CELF2: variants seen among roughly 807,000 people sequenced by gnomAD.
CELF2 encodes the protein CUGBP Elav-like family member 2.
Under a neutral mutation model 62.6 loss-of-function variants are expected in CELF2, and 8 were observed. That is an observed-to-expected ratio of 0.13 (90% CI 0.07 to 0.23). The LOEUF is 0.23. Among genes scored for constraint, CELF2 ranks in the 10% least tolerant of loss-of-function variants. The pLI, the probability that CELF2 is intolerant of heterozygous loss-of-function variation, is 1.00. For missense variants in CELF2, 333 were observed against 671.0 expected (o/e 0.50, Z 5.56); for synonymous variants, 258 against 250.0 (o/e 1.03, Z -0.30).
In CELF2 at chr10:10,972,999, G is replaced by A. The variant is rs1003085407; in HGVS notation, c.89+53000G>A. Among the ~76,000 whole-genome samples the A allele has an allele frequency of 6.6e-6, 1 of 152,268 alleles. No homozygotes were observed. The highest frequency in any genetic ancestry group is 2.4e-5 in the African/African-American group (1 of 41,564). On this transcript the variant is annotated intron_variant, in intron 2 of 13. Coordinates refer to the CELF2 transcript ENST00000636488. This position sits in a 1 kb window ranked among gnomAD's most constrained non-coding sequence, Gnocchi z 4.4. ...TGAAACCCTGAGGAGAATAGTTAAA[G>A]CAGAAGGCAGCCGGGCACGGTGGCT...
chr10:10,694,649 G>A, the CELF2 span, among the ~76,000 whole-genome samples: 1 of 151,626 alleles, frequency 6.6e-6, no homozygotes, highest in Non-Finnish European at 1.5e-5. Context: ...GGGAGTCTAA[G>A]TCTCTTTGTA....
At chr10:10,730,202 C>T in the CELF2 span, among the ~76,000 whole-genome samples, 1 of 152,146 alleles carries the variant, frequency 6.6e-6, no homozygotes, top group Non-Finnish European at 1.5e-5. Context: ...TTTGGCTGGG[C>T]ACAGTGGCTC....
At chr10:10,597,645 T>G in the CELF2 span, among the ~76,000 whole-genome samples, 1 of 152,234 alleles carries the variant, frequency 6.6e-6, no homozygotes, top group Non-Finnish European at 1.5e-5. Flanking sequence ...TAAAAAATCC[T>G]TATAGTTGAT....
Position 10,949,343 on chromosome 10 carries a change from G to T in CELF2, c.89+29344G>T, listed in dbSNP as rs961382784. On this transcript the variant is annotated intron_variant, in intron 2 of 13. Transcript: ENST00000636488. ...TGTGGATGGCACAGCTTCCAGTGGG[G>T]CTGTGCCTCTAGTGATCTCCCCAGA... 5.3e-5 allele frequency among the ~76,000 whole-genome samples: 8 copies of T among 152,164 alleles called. No homozygotes were observed. In the East Asian group the frequency reaches 5.8e-4, roughly 11 times the overall value.
intron 1 of CELF2, among the ~76,000 whole-genome samples, chr10:10,817,247 A>G (rs1590741827): frequency 6.6e-6 from 1 of 152,154 alleles, no homozygotes; most frequent in Admixed American, 6.5e-5. Context: ...TATGAGGTAC[A>G]TGAGATGTTT....
At chr10:11,015,019 G>C (rs1286185923), upstream of CELF2, among the ~76,000 whole-genome samples, 3 of 152,192 alleles carry the variant, frequency 2.0e-5, no homozygotes, top group Admixed American at 6.5e-5. The surrounding 1 kb of genome is among the most constrained non-coding windows in gnomAD (Gnocchi z 4.8). Context: ...GGGGCCAGCT[G>C]ATGGCGTCGT....
At chr10:10,533,603 G>C in the CELF2 span, among the ~76,000 whole-genome samples, 6 of 152,212 alleles carry the variant, frequency 3.9e-5, no homozygotes, top group African/African-American at 1.4e-4. Context: ...GTTTGAATCT[G>C]GACTTTGCAG....
At chr10:11,142,159 G>A (rs1024826262) in intron 1 of CELF2, among the ~76,000 whole-genome samples, 7 of 152,220 alleles carry the variant, frequency 4.6e-5, no homozygotes, top group African/African-American at 1.7e-4. Flanking sequence ...AATGTGGTAC[G>A]TTTAGAGAAG....
At chr10:10,981,703 T>C (rs2052128285) in intron 2 of CELF2, among the ~76,000 whole-genome samples, 1 of 152,220 alleles carries the variant, frequency 6.6e-6, no homozygotes, top group Non-Finnish European at 1.5e-5. Flanking sequence ...CCTATAGAAA[T>C]AATACAAGTA....
chr10:11,164,970 A>G (rs1441631972), intron 1 of CELF2: 4 of 748,368 alleles, frequency 5.3e-6, no homozygotes, highest in Non-Finnish European at 6.5e-6. Flanking sequence ...CAAGTGTTTC[A>G]TTTTCTTTCC....
rs1333532832 is a variant in CELF2, at chr10:11,333,753, TTG to T, written c.*4702_*4703del. The stretch of plus-strand genomic sequence containing the variant: ...TGGAAACTGTAAGACCATTTGAGTA[TTG>T]TTTGTTTTATTGATGCATTTGGATT... On this transcript the variant is annotated 3_prime_UTR_variant, in exon 13 of 13. Transcript: ENST00000633077. 3.3e-5 allele frequency: 5 copies of T among 152,562 alleles called. No individual in the cohort carries two copies. The highest frequency in any genetic ancestry group is 1.2e-4 in the African/African-American group (5 of 41,434). 9.5% of individuals were successfully genotyped at this position (152,562 alleles called of 1,614,324 possible). A position where few individuals can be genotyped will look rare whatever the true frequency, so the allele number is the denominator to read the frequency against.
intron 2 of CELF2, among the ~76,000 whole-genome samples, chr10:10,963,768 G>A (rs2049815477): frequency 6.6e-6 from 1 of 152,180 alleles, no homozygotes; most frequent in Non-Finnish European, 1.5e-5. Flanking sequence ...AGCCACCCAT[G>A]TAAGGTGAAG....
intron 2 of CELF2, among the ~76,000 whole-genome samples, chr10:10,958,535 C>T (rs145425778): frequency 8.4e-4 from 128 of 152,334 alleles, no homozygotes; most frequent in Non-Finnish European, 1.3e-3. Flanking sequence ...GGCATCCTCT[C>T]GTGTTCTACC....
intron 1 of CELF2, among the ~76,000 whole-genome samples, chr10:11,036,457 C>T (rs1383727430): frequency 6.6e-6 from 1 of 152,218 alleles, no homozygotes; most frequent in South Asian, 2.1e-4. Flanking sequence ...TGGCAACAGG[C>T]TCCTTCAGTC....
intron 2 of CELF2, among the ~76,000 whole-genome samples, chr10:11,190,777 A>T (rs1417664727): frequency 4.1e-5 from 1 of 24,398 alleles, no homozygotes; most frequent in African/African-American, 1.9e-4. Flanking sequence ...CTTTTCTTTA[A>T]AAAAAAAAAA....
chr10:10,577,509 C>G, the CELF2 span, among the ~76,000 whole-genome samples: 11 of 149,884 alleles, frequency 7.3e-5, no homozygotes, highest in African/African-American at 2.7e-4. Context: ...TCCCTCCCCC[C>G]TCACCCCACC....
rs189898634 is a variant in CELF2, at chr10:11,091,588, C to T, written c.74+73425C>T. Among the ~76,000 whole-genome samples the T allele has an allele frequency of 1.8e-3, 279 of 152,320 alleles. 1 individual carries two copies. The highest frequency in any genetic ancestry group is 6.2e-3 in the African/African-American group (256 of 41,570). On this transcript the variant is annotated intron_variant, in intron 1 of 12. Transcript: ENST00000633077. ...TACGTTGCAGCCTTCTGCAGTCAAA[C>T]GAGCATGTTCTCTGCTGATTGACAG...
At chr10:10,598,354 T>C in the CELF2 span, among the ~76,000 whole-genome samples, 1 of 152,206 alleles carries the variant, frequency 6.6e-6, no homozygotes, top group African/African-American at 2.4e-5. Context: ...GGCTTTGTTA[T>C]TTTTCTTTTA....
intron 2 of CELF2, among the ~76,000 whole-genome samples, chr10:10,976,765 C>T (rs531729742): frequency 3.9e-5 from 6 of 152,218 alleles, no homozygotes; most frequent in Admixed American, 1.3e-4. Flanking sequence ...AGTGTCATTT[C>T]CTTCACCTTT....
Sources: gnomAD v4.1 joint callset for allele counts (sites outside exome capture counted in the v4.1 genomes callset) on GRCh38, gnomAD v4.1.1 for gene constraint, Gnocchi (gnomAD v3.1) non-coding constraint, MANE v1.5 for transcripts, NCBI Gene and HGNC (gene_info 2026-07-23, HGNC 2026-07-21) for gene names.